FCHSD2: variants seen among roughly 807,000 people sequenced by gnomAD.
The protein encoded by FCHSD2 is F-BAR and double SH3 domains protein 2.
Under a neutral mutation model 108.1 loss-of-function variants are expected in FCHSD2, and 38 were observed. The ratio of observed to expected loss-of-function variants is 0.35; its 90% CI spans 0.27 to 0.46. The LOEUF (loss-of-function observed/expected upper bound fraction) is 0.46. FCHSD2 is among the 20% of genes least tolerant of loss of function. The pLI is 1.00. For missense variants in FCHSD2, 751 were observed against 897.8 expected, an observed-to-expected ratio of 0.84 and a Z score of 2.09; for synonymous variants, 279 against 314.7, an observed-to-expected ratio of 0.89 and a Z score of 1.20.
At chr11:73,069,662 G>C (rs1057373737) in intron 3 of FCHSD2, among the ~76,000 whole-genome samples, 12 of 152,026 alleles carry the variant, frequency 7.9e-5, no homozygotes, top group African/African-American at 2.4e-4. Flanking sequence ...ATGGAAAATA[G>C]ATTAAGAGGA....
chr11:72,931,955 G>T (rs1413654660), intron 8 of FCHSD2, among the ~76,000 whole-genome samples: 1 of 152,128 alleles, frequency 6.6e-6, no homozygotes, highest in Non-Finnish European at 1.5e-5. Context: ...CTTATATTTT[G>T]ACCAGACACT....
chr11:72,872,197 C>T (rs1854874447), intron 12 of FCHSD2, among the ~76,000 whole-genome samples: 4 of 151,140 alleles, frequency 2.6e-5, no homozygotes, highest in African/African-American at 7.3e-5. Context: ...TCTGCTTATT[C>T]TTTTCATAAT....
chr11:72,981,567 G>C (rs1857216509), intron 8 of FCHSD2, among the ~76,000 whole-genome samples: 2 of 152,112 alleles, frequency 1.3e-5, no homozygotes, highest in African/African-American at 4.8e-5. Flanking sequence ...GACATATATA[G>C]AATATAGTGA....
At chr11:73,032,125 TA>T (rs1485041882) in intron 3 of FCHSD2, among the ~76,000 whole-genome samples, 1 of 152,186 alleles carries the variant, frequency 6.6e-6, no homozygotes, top group Non-Finnish European at 1.5e-5. Context: ...TATTTTAATT[TA>T]AAAAACATGT....
chr11:73,102,749 C>G (rs137950141), intron 2 of FCHSD2, among the ~76,000 whole-genome samples: 1 of 152,310 alleles, frequency 6.6e-6, no homozygotes, highest in African/African-American at 2.4e-5. Flanking sequence ...GCATCAAGAG[C>G]TTCCTCACCA....
chr11:73,029,509 T>C (rs1375090977), intron 3 of FCHSD2, among the ~76,000 whole-genome samples: 3 of 152,218 alleles, frequency 2.0e-5, no homozygotes, highest in Non-Finnish European at 4.4e-5. Flanking sequence ...GCCATGCATA[T>C]GTTCCTGGAA....
At chr11:72,922,400 G>GA (rs1326859529) in intron 8 of FCHSD2, among the ~76,000 whole-genome samples, 1 of 151,970 alleles carries the variant, frequency 6.6e-6, no homozygotes, top group Admixed American at 6.6e-5. Flanking sequence ...AGCAGTGACA[G>GA]AAAAAACACA....
intron 9 of FCHSD2, among the ~76,000 whole-genome samples, chr11:72,906,207 G>GT (rs1855627280): frequency 6.6e-6 from 1 of 152,126 alleles, no homozygotes; most frequent in Admixed American, 6.5e-5. Flanking sequence ...TTTCATGTCT[G>GT]TTGGCTGCAT....
intron 8 of FCHSD2, among the ~76,000 whole-genome samples, chr11:72,923,869 G>A (rs944554539): frequency 1.3e-5 from 2 of 152,146 alleles, no homozygotes; most frequent in African/African-American, 4.8e-5. Flanking sequence ...TACCCAGGAG[G>A]TGGAGGTTGC....
At chr11:73,097,629 T>C (rs1036831513) in intron 2 of FCHSD2, among the ~76,000 whole-genome samples, 29 of 150,958 alleles carry the variant, frequency 1.9e-4, no homozygotes, top group African/African-American at 7.0e-4. Context: ...TTTTTTTTTT[T>C]TTTTCTAATT....
intron 8 of FCHSD2, among the ~76,000 whole-genome samples, chr11:72,971,149 G>A (rs1291149542): frequency 6.6e-6 from 1 of 152,066 alleles, no homozygotes; most frequent in Non-Finnish European, 1.5e-5. Flanking sequence ...GTCATGCAGA[G>A]TAACACTATA....
At chr11:72,956,062 C>T (rs1373289612) in intron 8 of FCHSD2, among the ~76,000 whole-genome samples, 1 of 152,134 alleles carries the variant, frequency 6.6e-6, no homozygotes, top group Non-Finnish European at 1.5e-5. Flanking sequence ...CCTGGAACAT[C>T]CTGCACCAGA....
chr11:73,052,122 T>C (rs535287684), intron 3 of FCHSD2, among the ~76,000 whole-genome samples: 2 of 152,344 alleles, frequency 1.3e-5, no homozygotes, highest in South Asian at 2.1e-4. Context: ...AAAGATAGTA[T>C]GGCATTTCCT....
intron 12 of FCHSD2, among the ~76,000 whole-genome samples, chr11:72,878,679 A>G (rs1855019317): frequency 6.6e-6 from 1 of 152,238 alleles, no homozygotes; most frequent in Non-Finnish European, 1.5e-5. Flanking sequence ...ATAATATACT[A>G]AATAGATAAA....
chr11:73,029,181 A>G (rs1359824067), intron 3 of FCHSD2, among the ~76,000 whole-genome samples: 2 of 152,238 alleles, frequency 1.3e-5, no homozygotes, highest in Non-Finnish European at 2.9e-5. Context: ...CATTTTTAAA[A>G]GGTCATTTTC....
chr11:72,891,369 C>T (rs1391021107), intron 10 of FCHSD2, among the ~76,000 whole-genome samples: 3 of 152,160 alleles, frequency 2.0e-5, no homozygotes, highest in Non-Finnish European at 2.9e-5. Context: ...TCTATACAGA[C>T]ATTTCAGCTA....
At chr11:72,870,887 G>A (rs1383911425) in intron 12 of FCHSD2, among the ~76,000 whole-genome samples, 2 of 99,932 alleles carry the variant, frequency 2.0e-5, no homozygotes, top group Non-Finnish European at 3.7e-5. Context: ...GTGACAGTGC[G>A]AGACTCCGTC....
chr11:72,912,336 G>T (rs772030127), intron 9 of FCHSD2, among the ~76,000 whole-genome samples: 1 of 152,114 alleles, frequency 6.6e-6, no homozygotes, highest in Non-Finnish European at 1.5e-5. Flanking sequence ...CCAGTTTATT[G>T]AGGGGTTTTA....
At chr11:73,044,852 C>T (rs550897647) in intron 3 of FCHSD2, among the ~76,000 whole-genome samples, 72 of 152,168 alleles carry the variant, frequency 4.7e-4, no homozygotes, top group Non-Finnish European at 5.4e-4. Flanking sequence ...AGGTGGATCA[C>T]GAGGTCAGGA....
Sources: gnomAD v4.1 joint callset for allele counts (sites outside exome capture counted in the v4.1 genomes callset) on GRCh38, gnomAD v4.1.1 for gene constraint, MANE v1.5 for transcripts, NCBI Gene and HGNC (gene_info 2026-07-23, HGNC 2026-07-21) for gene names.